TIAM1: variants seen among roughly 807,000 people sequenced by gnomAD.
TIAM1 encodes the protein TIAM Rac1 associated GEF 1.
A neutral mutation model predicts 163.5 loss-of-function variants in TIAM1; 65 were observed. That is an observed-to-expected ratio of 0.40 (90% CI 0.33 to 0.49). The LOEUF (loss-of-function observed/expected upper bound fraction) is 0.49. Among genes scored for constraint, TIAM1 ranks in the 20% least tolerant of loss-of-function variants. The probability of loss-of-function intolerance (pLI) is 0.77; values close to 1 mark genes in which losing one functional copy is unlikely to be tolerated. For missense variants in TIAM1, 1,789 were observed against 2,044.7 expected (o/e 0.87, Z 2.41); for synonymous variants, 833 against 810.1 (o/e 1.03, Z -0.48).
intron 1 of TIAM1, among the ~76,000 whole-genome samples, chr21:31,522,759 G>A (rs2047646856): frequency 6.6e-6 from 1 of 152,124 alleles, no homozygotes; most frequent in Admixed American, 6.6e-5. Context: ...CTATCCAAAT[G>A]GGATCACTGG....
chr21:31,326,039 G>A lies in TIAM1; in HGVS notation c.-189+13204C>T, dbSNP rs575329334. ...TCCAGACCCTCCAGACCCTGCTGAG[G>A]CCTCTGCTTTTCCACTGTCAGGCAG... On this transcript the variant is annotated intron_variant, in intron 2 of 27. Coordinates refer to ENST00000541036, the MANE Select transcript of TIAM1 (RefSeq NM_001353694.2). 2.6e-5 allele frequency among the ~76,000 whole-genome samples: 4 copies of A among 152,164 alleles called. No individual in the cohort carries two copies. The South Asian group carries it at 8.3e-4, about 32-fold the overall frequency.
intron 2 of TIAM1, among the ~76,000 whole-genome samples, chr21:31,366,362 A>G (rs1389143974): frequency 6.6e-6 from 1 of 152,164 alleles, no homozygotes; most frequent in Non-Finnish European, 1.5e-5. Context: ...GCATGTCCCA[A>G]ATGGAAAGAA....
chr21:31,140,291 T>C (rs1181679611), intron 22 of TIAM1, among the ~76,000 whole-genome samples: 1 of 152,198 alleles, frequency 6.6e-6, no homozygotes, highest in Admixed American at 6.5e-5. Flanking sequence ...GTGTTTTTCC[T>C]CTAGGTTCCT....
At chr21:31,153,784 C>T (rs1004143303) in intron 17 of TIAM1, among the ~76,000 whole-genome samples, 7 of 151,956 alleles carry the variant, frequency 4.6e-5, no homozygotes, top group East Asian at 1.9e-4. Context: ...GAAGGCTGGG[C>T]GTGGTAGCTC....
intron 13 of TIAM1, among the ~76,000 whole-genome samples, chr21:31,189,241 G>C (rs1051841567): frequency 6.6e-6 from 1 of 151,610 alleles, no homozygotes; most frequent in Non-Finnish European, 1.5e-5. Context: ...TTTTGGTAGA[G>C]ATGGGGTTCC....
intron 15 of TIAM1, among the ~76,000 whole-genome samples, chr21:31,172,038 G>A (rs1327819075): frequency 6.6e-6 from 1 of 152,208 alleles, no homozygotes; most frequent in Non-Finnish European, 1.5e-5. Context: ...CCACAGAACA[G>A]TGAGCAAGTA....
intron 11 of TIAM1, among the ~76,000 whole-genome samples, chr21:31,205,703 T>C (rs2086414323): frequency 6.6e-6 from 1 of 152,196 alleles, no homozygotes; most frequent in Non-Finnish European, 1.5e-5. Flanking sequence ...TGGTGGCTCA[T>C]GCCTGTAATC....
chr21:31,484,350 G>A (rs538184711), intron 1 of TIAM1, among the ~76,000 whole-genome samples: 73 of 152,288 alleles, frequency 4.8e-4, no homozygotes, highest in Admixed American at 2.6e-3. Flanking sequence ...TTTGCTCCCC[G>A]GTTCATCTGC....
intron 2 of TIAM1, among the ~76,000 whole-genome samples, chr21:31,330,635 A>G (rs1356150465): frequency 6.6e-6 from 1 of 151,982 alleles, no homozygotes; most frequent in Admixed American, 6.6e-5. Context: ...TTGGGGTTTC[A>G]CCATGTTGGC....
At chr21:31,296,124 G>C (rs1027411609) in intron 2 of TIAM1, among the ~76,000 whole-genome samples, 5 of 152,110 alleles carry the variant, frequency 3.3e-5, no homozygotes, top group African/African-American at 1.2e-4. Context: ...ACCTGGATTT[G>C]ATGATTATTC....
intron 2 of TIAM1, among the ~76,000 whole-genome samples, chr21:31,362,737 T>C (rs1189275276): frequency 1.3e-5 from 2 of 151,998 alleles, no homozygotes; most frequent in African/African-American, 4.8e-5. Flanking sequence ...AAAGTGCTTG[T>C]ATTACAGGCA....
At chr21:31,537,725 C>T (rs944358715) in intron 1 of TIAM1, among the ~76,000 whole-genome samples, 3 of 151,554 alleles carry the variant, frequency 2.0e-5, no homozygotes, top group African/African-American at 7.3e-5. Flanking sequence ...GCACTCCAGC[C>T]TGGGCAACAG....
intron 1 of TIAM1, among the ~76,000 whole-genome samples, chr21:31,555,078 T>TA (rs575709843): frequency 5.1e-4 from 78 of 152,232 alleles, no homozygotes; most frequent in Middle Eastern, 3.4e-3. Context: ...TGTTTTATTT[T>TA]AAAAAACACT....
At chr21:31,197,886 C>T (rs2085959328) in intron 12 of TIAM1, among the ~76,000 whole-genome samples, 2 of 152,142 alleles carry the variant, frequency 1.3e-5, no homozygotes, top group South Asian at 2.1e-4. Flanking sequence ...GCTCTAGAGC[C>T]GCATTCTTTC....
In TIAM1 at chr21:31,260,491, G is replaced by A. The variant is rs570930413; in HGVS notation, c.963+5519C>T. 4.6e-5 allele frequency among the ~76,000 whole-genome samples: 7 copies of A among 151,486 alleles called. No homozygotes were observed. In the South Asian group the frequency reaches 1.5e-3, roughly 32 times the overall value. On this transcript the variant is annotated intron_variant, in intron 4 of 27. Transcript: ENST00000541036. ...TGACCTGAAATGACCTGCCCACCTC[G>A]GCCTCCTGAATTACTTTTTAAGAGT...
chr21:31,259,782 G>A (rs2072348706), intron 4 of TIAM1, among the ~76,000 whole-genome samples: 1 of 151,908 alleles, frequency 6.6e-6, no homozygotes, highest in Non-Finnish European at 1.5e-5. Flanking sequence ...GCAAGTCCAG[G>A]TTCTGCTCAT....
chr21:31,517,813 C>T (rs768148936), intron 1 of TIAM1, among the ~76,000 whole-genome samples: 1 of 152,110 alleles, frequency 6.6e-6, no homozygotes, highest in East Asian at 1.9e-4. Flanking sequence ...ACAGAGATGG[C>T]GAGTCGAGGC....
At chr21:31,250,789 G>A (rs1282977703) in intron 5 of TIAM1, among the ~76,000 whole-genome samples, 1 of 152,044 alleles carries the variant, frequency 6.6e-6, no homozygotes, top group East Asian at 1.9e-4. Context: ...CATTTTCTAG[G>A]CTACCAGGAT....
At chr21:31,289,341 G>C (rs1260265143) in intron 2 of TIAM1, among the ~76,000 whole-genome samples, 1 of 152,148 alleles carries the variant, frequency 6.6e-6, no homozygotes, top group Non-Finnish European at 1.5e-5. Context: ...TTTAAAGTTA[G>C]GTGGATGGTC....
Sources: gnomAD v4.1 joint callset for allele counts (sites outside exome capture counted in the v4.1 genomes callset) on GRCh38, gnomAD v4.1.1 for gene constraint, MANE v1.5 for transcripts, NCBI Gene and HGNC (gene_info 2026-07-23, HGNC 2026-07-21) for gene names.